RCL1: variants seen among roughly 807,000 people sequenced by gnomAD.
The protein encoded by RCL1 is RNA terminal phosphate cyclase like 1.
RCL1 carries 24 observed loss-of-function variants against 42.4 expected under a neutral mutation model. The ratio of observed to expected loss-of-function variants is 0.57; its 90% confidence interval spans 0.41 to 0.80. The LOEUF (loss-of-function observed/expected upper bound fraction) is 0.80. Ranked by LOEUF, RCL1 falls within the 30% of genes least tolerant of loss-of-function variation. RCL1 has a pLI of 0.00. For synonymous variants in RCL1, 228 were observed against 177.3 expected (o/e 1.29, Z -2.27); for missense variants, 578 against 467.9 (o/e 1.24, Z -2.17).
chr9:4,828,562 A>G (rs1816846111), intron 3 of RCL1, among the ~76,000 whole-genome samples: 1 of 132,378 alleles, frequency 7.6e-6, no homozygotes, highest in African/African-American at 2.8e-5. Flanking sequence ...TTTTTTTTGC[A>G]TTTTCTAGAA....
chr9:4,825,550 T>C (rs377586083), intron 2 of RCL1, among the ~76,000 whole-genome samples: 1 of 152,220 alleles, frequency 6.6e-6, no homozygotes, highest in African/African-American at 2.4e-5. Context: ...ACATTTATTT[T>C]ATGAAAGTCC....
chr9:4,804,412 T>C (rs1172425693), intron 1 of RCL1: 2 of 152,404 alleles, frequency 1.3e-5, no homozygotes, highest in East Asian at 1.9e-4. Context: ...TTGCTCACAC[T>C]GAAGACCAAA....
chr9:4,820,819 T>G (rs1816569359), intron 1 of RCL1, among the ~76,000 whole-genome samples: 1 of 152,354 alleles, frequency 6.6e-6, no homozygotes, highest in Middle Eastern at 3.4e-3. Flanking sequence ...AATTTCTAAT[T>G]CAATTCCGTC....
chr9:4,795,346 G>T (rs766517440), intron 1 of RCL1, among the ~76,000 whole-genome samples: 2 of 152,172 alleles, frequency 1.3e-5, no homozygotes, highest in African/African-American at 2.4e-5. Context: ...GCCTCCCAGA[G>T]TGCTGGGATT....
At chr9:4,800,652 ATTT>A (rs35340693) in intron 1 of RCL1, among the ~76,000 whole-genome samples, 6,118 of 123,846 alleles carry the variant, frequency 0.049, 158 homozygotes, top group East Asian at 0.1. Flanking sequence ...GTGTGGATGT[ATTT>A]TTTTTTTTTT....
chr9:4,853,996 A>C (rs888652117), intron 8 of RCL1, among the ~76,000 whole-genome samples: 2 of 152,196 alleles, frequency 1.3e-5, no homozygotes, highest in Non-Finnish European at 2.9e-5. Flanking sequence ...ACTTGGGGTC[A>C]GTGGCCTCAC....
intron 3 of RCL1, among the ~76,000 whole-genome samples, chr9:4,831,324 G>C (rs62540652): frequency 3.9e-5 from 6 of 152,074 alleles, no homozygotes; most frequent in Admixed American, 2.0e-4. Flanking sequence ...TTTTTCCCTC[G>C]AGAGAGCCGG....
At chr9:4,843,054 C>T (rs1027312359) in intron 6 of RCL1, among the ~76,000 whole-genome samples, 2 of 152,106 alleles carry the variant, frequency 1.3e-5, no homozygotes, top group Non-Finnish European at 2.9e-5. Context: ...GACTGTGGGC[C>T]ATCAACTCCA....
intron 1 of RCL1, among the ~76,000 whole-genome samples, chr9:4,809,392 C>A (rs1215939073): frequency 6.6e-6 from 1 of 151,660 alleles, no homozygotes; most frequent in Non-Finnish European, 1.5e-5. Flanking sequence ...TCACTGCAAC[C>A]TCCGCCTCCT....
intron 1 of RCL1, among the ~76,000 whole-genome samples, chr9:4,802,938 A>G (rs1843030084): frequency 6.6e-6 from 1 of 151,970 alleles, no homozygotes; most frequent in Admixed American, 6.5e-5. Context: ...CTCTTGCCTC[A>G]GCCTCCTGAG....
chr9:4,815,360 A>G (rs1178586423), intron 1 of RCL1, among the ~76,000 whole-genome samples: 1 of 151,872 alleles, frequency 6.6e-6, no homozygotes, highest in East Asian at 1.9e-4. Flanking sequence ...TCAAGTTCAG[A>G]GATTTGTGTC....
intron 4 of RCL1, 111 bp from the exon 5 acceptor site, chr9:4,834,030 A>G: frequency 1.7e-6 from 2 of 1,187,182 alleles, no homozygotes; most frequent in Non-Finnish European, 2.3e-6. Context: ...AATATGGAAG[A>G]GCTATGCCTT....
At chr9:4,799,960 A>G (rs76190900) in intron 1 of RCL1, among the ~76,000 whole-genome samples, 3,760 of 152,260 alleles carry the variant, frequency 0.025, 155 homozygotes, top group African/African-American at 0.084. Flanking sequence ...TTGCTGCCAC[A>G]TGGGAGTGTG....
chr9:4,797,896 GCT>G (rs1279165543), intron 1 of RCL1, among the ~76,000 whole-genome samples: 1 of 152,306 alleles, frequency 6.6e-6, no homozygotes, highest in Admixed American at 6.5e-5. Context: ...ATGGTCCCGG[GCT>G]GGTGATTATA....
At chr9:4,808,496 C>A (rs1816059781) in intron 1 of RCL1, among the ~76,000 whole-genome samples, 1 of 151,978 alleles carries the variant, frequency 6.6e-6, no homozygotes, top group African/African-American at 2.4e-5. Flanking sequence ...TTTGTAGAGA[C>A]AGGGTTTCGC....
At position 4,816,826 on chromosome 9, in the gene RCL1, T is replaced by A. The variant is rs943801831; in HGVS notation, c.137-6722T>A. Among the ~76,000 whole-genome samples, 3 of 152,302 alleles carry A rather than the reference T, an allele frequency of 2.0e-5. No individual in the cohort carries two copies. In the East Asian group the frequency reaches 5.8e-4, roughly 29 times the overall value. On this transcript the variant is annotated intron_variant, in intron 1 of 8. Coordinates refer to ENST00000381750, the MANE Select transcript of RCL1 (RefSeq NM_005772.5). ...TTTGGGTAATAATAATAATAATTGTTATTTTTTTGAGATGGAGTCTCGCTC... is the reference window on the plus strand; with the variant it reads ...TTTGGGTAATAATAATAATAATTGTAATTTTTTTGAGATGGAGTCTCGCTC...
intron 8 of RCL1, among the ~76,000 whole-genome samples, chr9:4,859,456 A>T (rs1379121548): frequency 1.3e-5 from 2 of 151,720 alleles, no homozygotes; most frequent in Non-Finnish European, 2.9e-5. Context: ...TTTTATTTTT[A>T]TTTTTTTTCA....
intron 8 of RCL1, among the ~76,000 whole-genome samples, chr9:4,854,078 T>C (rs1817849654): frequency 6.6e-6 from 1 of 152,180 alleles, no homozygotes; most frequent in Non-Finnish European, 1.5e-5. Flanking sequence ...TAAAGCCCTG[T>C]CACCTGATGT....
At chr9:4,818,425 A>G (rs1299047328) in intron 1 of RCL1, among the ~76,000 whole-genome samples, 3 of 152,214 alleles carry the variant, frequency 2.0e-5, no homozygotes, top group African/African-American at 7.2e-5. Context: ...ACATATAGAA[A>G]TAAATAAACA....
Sources: gnomAD v4.1 joint callset for allele counts (sites outside exome capture counted in the v4.1 genomes callset) on GRCh38, gnomAD v4.1.1 for gene constraint, MANE v1.5 for transcripts, NCBI Gene and HGNC (gene_info 2026-07-23, HGNC 2026-07-21) for gene names.